Variants in FCN2 observed in about 807,000 individuals in gnomAD.
The protein encoded by FCN2 is ficolin 2, also known as ficolin-2.
A neutral mutation model predicts 32.5 loss-of-function variants in FCN2; 31 were observed. The ratio of observed to expected loss-of-function variants is 0.96; its 90% CI spans 0.72 to 1.29. The LOEUF (loss-of-function observed/expected upper bound fraction) is 1.29. Ranked by LOEUF, FCN2 falls within the 50% of genes most tolerant of loss-of-function variation. FCN2 has a pLI of 0.00. For missense variants in FCN2, 412 were observed against 406.5 expected (o/e 1.01, Z -0.12); for synonymous variants, 181 against 164.5 (o/e 1.10, Z -0.77).
chr9:134,879,108 T>G (rs987244021), upstream of FCN2, among the ~76,000 whole-genome samples: 1 of 152,228 alleles, frequency 6.6e-6, no homozygotes, highest in Non-Finnish European at 1.5e-5. Context: ...ATCATTTAAA[T>G]TCAGCATGTG....
chr9:134,872,424 C>T, the FCN2 span, among the ~76,000 whole-genome samples: 1 of 152,178 alleles, frequency 6.6e-6, no homozygotes, highest in Non-Finnish European at 1.5e-5. Flanking sequence ...TATATGGTTT[C>T]ATTTCTCTCG....
At chr9:134,884,481 G>A (rs1355712470) in intron 3 of FCN2, among the ~76,000 whole-genome samples, 1 of 152,212 alleles carries the variant, frequency 6.6e-6, no homozygotes, top group East Asian at 1.9e-4. Flanking sequence ...GCATGTGGAG[G>A]CCTCAGCAGT....
the FCN2 span, among the ~76,000 whole-genome samples, chr9:134,869,455 C>G: frequency 1.3e-5 from 2 of 152,200 alleles, no homozygotes; most frequent in Non-Finnish European, 2.9e-5. Context: ...ACCAGCTGCC[C>G]TGAGCCCAGA....
At chr9:134,864,940 C>T in the FCN2 span, among the ~76,000 whole-genome samples, 3 of 152,220 alleles carry the variant, frequency 2.0e-5, no homozygotes, top group Admixed American at 2.0e-4. Flanking sequence ...AGGGCCGTCT[C>T]CCCGGGGCCG....
chr9:134,866,871 C>CA, the FCN2 span, among the ~76,000 whole-genome samples: 1 of 139,834 alleles, frequency 7.2e-6, no homozygotes, highest in Non-Finnish European at 1.5e-5. Context: ...TTTATGCAGC[C>CA]AAAAAACACA....
Position 134,882,612 on chromosome 9 carries a change from G to A in FCN2, c.187G>A (p.Gly63Arg), listed in dbSNP as rs1588642945. 1.2e-6 allele frequency: 2 copies of A among 1,613,788 alleles called. No homozygotes were observed. The highest frequency in any genetic ancestry group is 4.5e-5 in the East Asian group (2 of 44,870). The change falls in exon 2 of 8, where the codon GGA (glycine) becomes AGA (arginine). Residue 63 changes from glycine to arginine, a missense_variant. Coordinates refer to ENST00000291744, the MANE Select transcript of FCN2 (RefSeq NM_004108.3). ...PGLPGAPGPK[G>R]EAGTNGKRGE... is the part of the protein sequence containing the mutation. Reference sequence around the variant, plus strand: ...GCTGCCTGGGGCCCCTGGGCCCAAGGGAGAGGCAGGCACCAATGGAAAGAG... The same window carrying A: ...GCTGCCTGGGGCCCCTGGGCCCAAGAGAGAGGCAGGCACCAATGGAAAGAG...
At chr9:134,886,615 G>T in intron 7 of FCN2, 51 bp downstream of exon 7, 1 of 1,605,404 alleles carries the variant, frequency 6.2e-7, no homozygotes, top group Non-Finnish European at 8.5e-7. Context: ...GGGGGTTTGG[G>T]AAGTGGAGAG....
chr9:134,871,507 G>A, the FCN2 span, among the ~76,000 whole-genome samples: 2 of 152,218 alleles, frequency 1.3e-5, no homozygotes, highest in Non-Finnish European at 2.9e-5. Context: ...CCCTGTGACC[G>A]CACGCTGAGC....
At chr9:134,883,118 G>T (rs1325863694) in intron 2 of FCN2, among the ~76,000 whole-genome samples, 184 bp from the exon 3 acceptor site, 1 of 152,220 alleles carries the variant, frequency 6.6e-6, no homozygotes, top group African/African-American at 2.4e-5. Flanking sequence ...AGCCCCGTGA[G>T]GCCTGGGTCC....
At chr9:134,867,870 G>T in the FCN2 span, among the ~76,000 whole-genome samples, 5 of 152,100 alleles carry the variant, frequency 3.3e-5, no homozygotes, top group African/African-American at 9.7e-5. Flanking sequence ...AAATATTGGT[G>T]GTCATTAGTT....
At chr9:134,878,419 C>G (rs890136858), upstream of FCN2, among the ~76,000 whole-genome samples, 1 of 152,236 alleles carries the variant, frequency 6.6e-6, no homozygotes, top group African/African-American at 2.4e-5. Context: ...AACATTTACA[C>G]TGGTGCCTGT....
the FCN2 span, among the ~76,000 whole-genome samples, chr9:134,866,288 GAGATAT>G: frequency 8.0e-6 from 1 of 124,854 alleles, no homozygotes; most frequent in South Asian, 3.4e-4. Flanking sequence ...TACCAAAACA[GAGATAT>G]AGATCAATGG....
intron 1 of FCN2, among the ~76,000 whole-genome samples, chr9:134,881,952 C>T (rs1830670007): frequency 6.6e-6 from 1 of 152,318 alleles, no homozygotes; most frequent in South Asian, 2.1e-4. Flanking sequence ...GTTCAGTGTC[C>T]TTGAAGGACG....
rs755432063 is a variant in FCN2, at chr9:134,887,303, G to T, written c.830G>T (p.Gly277Val). 15 of 1,614,182 alleles carry T rather than the reference G, an allele frequency of 9.3e-6. No homozygotes were observed. Among genetic ancestry groups the T allele is most frequent in the Non-Finnish European group, 1.2e-5 (14 of 1,180,034 alleles). Residue 277 changes from glycine to valine, a missense_variant, in exon 8 of 8, where the codon GGT becomes GTT. Gly to Val is a moderately radical substitution (Grantham distance 109). Transcript: ENST00000291744. ...YKNCHVSNLNGRYLRGTHGSF... is the reference protein window; with the variant it reads ...YKNCHVSNLNVRYLRGTHGSF... Reference sequence around the variant, plus strand: ...AACTGCCATGTGTCAAACCTGAATGGTCGCTACCTCAGGGGGACTCATGGC... The same window carrying T: ...AACTGCCATGTGTCAAACCTGAATGTTCGCTACCTCAGGGGGACTCATGGC...
At chr9:134,865,936 G>A in the FCN2 span, among the ~76,000 whole-genome samples, 2 of 151,562 alleles carry the variant, frequency 1.3e-5, no homozygotes, top group African/African-American at 4.8e-5. Flanking sequence ...TACAAGGGAT[G>A]TGAAGGACCT....
chr9:134,872,181 C>T, the FCN2 span, among the ~76,000 whole-genome samples: 21 of 151,444 alleles, frequency 1.4e-4, no homozygotes, highest in Non-Finnish European at 3.1e-4. Context: ...ATCCATTCAG[C>T]GGAGTCGTAC....
At chr9:134,885,145 A>G (rs1367359456) in intron 4 of FCN2, 94 bp from the exon 5 acceptor site, 3 of 1,538,996 alleles carry the variant, frequency 1.9e-6, no homozygotes, top group Non-Finnish European at 2.7e-6. Context: ...ACAGACGCCT[A>G]TGGCCCTGCT....
At chr9:134,885,474 C>T (rs1212653883) in intron 5 of FCN2, 108 bp downstream of exon 5, 58 of 1,515,102 alleles carry the variant, frequency 3.8e-5, no homozygotes, top group Non-Finnish European at 5.0e-5. Flanking sequence ...TGGTCGGGGA[C>T]AGTCAGAGAT....
At chr9:134,873,876 T>C in the FCN2 span, among the ~76,000 whole-genome samples, 7 of 45,818 alleles carry the variant, frequency 1.5e-4, no homozygotes, top group African/African-American at 6.6e-4. Context: ...TTTTTTTTTG[T>C]TTGTTTGTTT....
Sources: gnomAD v4.1 joint callset for allele counts (sites outside exome capture counted in the v4.1 genomes callset) on GRCh38, gnomAD v4.1.1 for gene constraint, MANE v1.5 for transcripts, NCBI Gene and HGNC (gene_info 2026-07-23, HGNC 2026-07-21) for gene names.